Variants in SIPA1L2 observed in about 807,000 individuals in gnomAD.
SIPA1L2 encodes signal induced proliferation associated 1 like 2, also known as signal-induced proliferation-associated 1-like protein 2.
SIPA1L2 carries 56 observed loss-of-function variants against 163.9 expected under a neutral mutation model. That is an observed-to-expected ratio of 0.34 (90% CI 0.28 to 0.43). The LOEUF (loss-of-function observed/expected upper bound fraction) is 0.43, where lower values mean the gene tolerates loss of function less well. Among genes scored for constraint, SIPA1L2 ranks in the 20% least tolerant of loss-of-function variants. The probability of loss-of-function intolerance (pLI) is 1.00; values close to 1 mark genes in which losing one functional copy is unlikely to be tolerated. For missense variants in SIPA1L2, 1,974 were observed against 2,193.5 expected (o/e 0.90, Z 2.00); for synonymous variants, 877 against 865.7 (o/e 1.01, Z -0.23).
At chr1:232,586,407 G>A (rs910707188) in intron 1 of SIPA1L2, among the ~76,000 whole-genome samples, 2 of 152,114 alleles carry the variant, frequency 1.3e-5, no homozygotes, top group African/African-American at 4.8e-5. Flanking sequence ...TTACCAGGGA[G>A]TCCTACTGCA....
At position 232,514,119 on chromosome 1, in the gene SIPA1L2, A is replaced by T. The variant is rs1667106987; in HGVS notation, c.1221T>A (p.Leu407=). Residue 407 remains leucine, a synonymous_variant, in exon 3 of 23, where the codon CTT becomes CTA. Transcript: ENST00000674635. ...EGDGKSNDLV[L]SCPYFRNETG... The stretch of plus-strand genomic sequence containing the variant: ...TCTCATTTCTAAAGTAAGGACAACT[A>T]AGGACGAGGTCGTTACTTTTCCCAT... 6.2e-7 allele frequency: 1 copy of T among 1,614,210 alleles called. No homozygotes were observed. Among genetic ancestry groups the T allele is most frequent in the Non-Finnish European group, 8.5e-7 (1 of 1,180,034 alleles).
chr1:232,474,232 A>C (rs1456662848), intron 7 of SIPA1L2, among the ~76,000 whole-genome samples: 1 of 152,236 alleles, frequency 6.6e-6, no homozygotes, highest in Non-Finnish European at 1.5e-5. Flanking sequence ...TGTCAAGAGA[A>C]CCAACTTATT....
chr1:232,563,383 T>C (rs1327145596), intron 2 of SIPA1L2, among the ~76,000 whole-genome samples: 2 of 152,072 alleles, frequency 1.3e-5, no homozygotes, highest in African/African-American at 2.4e-5. Flanking sequence ...CACAAGAATA[T>C]GAGAGGAATG....
At chr1:232,523,896 T>C (rs1383506295) in intron 2 of SIPA1L2, among the ~76,000 whole-genome samples, 1 of 152,216 alleles carries the variant, frequency 6.6e-6, no homozygotes, top group East Asian at 1.9e-4. Flanking sequence ...AGATGCTTCC[T>C]TTCAACTTGG....
chr1:232,586,691 C>T (rs940968165), intron 1 of SIPA1L2, among the ~76,000 whole-genome samples: 1 of 152,208 alleles, frequency 6.6e-6, no homozygotes, highest in Admixed American at 6.5e-5. Flanking sequence ...TCTAGAGCCA[C>T]CCAAGAAAAA....
chr1:232,597,668 C>T lies in SIPA1L2; in HGVS notation c.-318-23446G>A, dbSNP rs372505978. ...TTGCGCCACTGCACTCCAGCCTGGG[C>T]GACAGAGCGAAACTCTGTCTCAAAA... On this transcript the variant is annotated intron_variant, in intron 1 of 22. Coordinates refer to ENST00000674635, the MANE Select transcript of SIPA1L2 (RefSeq NM_020808.5). 1.3e-3 allele frequency among the ~76,000 whole-genome samples: 155 copies of T among 122,496 alleles called. 3 individuals are homozygous for T. The highest frequency in any genetic ancestry group is 0.012 in the Middle Eastern group (2 of 170). The allele number at this position is 122,496 out of a possible 152,430, so 80.4% of individuals were successfully genotyped here.
intron 2 of SIPA1L2, among the ~76,000 whole-genome samples, chr1:232,572,768 T>TACATACATAC (rs1558277838): frequency 9.7e-5 from 8 of 82,396 alleles, no homozygotes; most frequent in African/African-American, 2.2e-4. Context: ...TATATATATA[T>TACATACATAC]ATATATATAT....
chr1:232,548,246 C>G (rs1044309091), intron 2 of SIPA1L2, among the ~76,000 whole-genome samples: 1 of 152,192 alleles, frequency 6.6e-6, no homozygotes, highest in African/African-American at 2.4e-5. Context: ...AGCACAGATT[C>G]GAGAACTGTA....
In SIPA1L2 at chr1:232,465,164, C is replaced by A. The variant is rs374979703; in HGVS notation, c.2496G>T (p.Thr832=). The change falls in exon 9 of 23, where the codon ACG becomes ACT. Residue 832 remains threonine, a synonymous_variant. Transcript: ENST00000674635. This position sits in a 1 kb window ranked among gnomAD's most constrained non-coding sequence, Gnocchi z 4.1. ...VDTSVKFSFI[T]LGAKKKEKVK... ...CCTTCTCCTTTTTCTTCGCACCCAGCGTAATGAAGCTGAACTTCACAGAGG... is the reference window on the plus strand; with the variant it reads ...CCTTCTCCTTTTTCTTCGCACCCAGAGTAATGAAGCTGAACTTCACAGAGG... 6.2e-7 allele frequency: 1 copy of A among 1,614,174 alleles called. No individual in the cohort carries two copies. The highest frequency in any genetic ancestry group is 8.5e-7 in the Non-Finnish European group (1 of 1,180,024).
At chr1:232,611,013 GGGA>G (rs1662209712) in intron 1 of SIPA1L2, among the ~76,000 whole-genome samples, 1 of 152,128 alleles carries the variant, frequency 6.6e-6, no homozygotes, top group Non-Finnish European at 1.5e-5. Flanking sequence ...CAGGTGTTGT[GGGA>G]GGGACCCAGT....
intron 4 of SIPA1L2, among the ~76,000 whole-genome samples, chr1:232,492,119 T>C (rs766675840): frequency 6.6e-6 from 1 of 152,156 alleles, no homozygotes; most frequent in African/African-American, 2.4e-5. Flanking sequence ...ATCTCACTTA[T>C]ACCTAGAATA....
chr1:232,419,523 T>A (rs1661444388), intron 18 of SIPA1L2, among the ~76,000 whole-genome samples: 1 of 152,188 alleles, frequency 6.6e-6, no homozygotes, highest in Non-Finnish European at 1.5e-5. Context: ...GCTATTCTCA[T>A]GATAATGAGT....
chr1:232,565,465 G>A (rs894497888), intron 2 of SIPA1L2, among the ~76,000 whole-genome samples: 14 of 152,306 alleles, frequency 9.2e-5, no homozygotes, highest in Non-Finnish European at 1.8e-4. Flanking sequence ...AGTCCCTTAG[G>A]CATCTTTGTG....
intron 8 of SIPA1L2, among the ~76,000 whole-genome samples, chr1:232,466,077 G>C (rs1489818394): frequency 2.0e-5 from 3 of 152,052 alleles, no homozygotes; most frequent in Non-Finnish European, 2.9e-5. Flanking sequence ...TAATACAGGG[G>C]GTAACACATC....
chr1:232,488,929 T>A (rs1385179045), intron 5 of SIPA1L2, among the ~76,000 whole-genome samples: 1 of 152,234 alleles, frequency 6.6e-6, no homozygotes, highest in African/African-American at 2.4e-5. Context: ...CATTCACTGA[T>A]GCCTAAAATA....
intron 1 of SIPA1L2, among the ~76,000 whole-genome samples, chr1:232,599,976 A>T (rs750878216): frequency 4.6e-5 from 7 of 152,264 alleles, no homozygotes; most frequent in Non-Finnish European, 2.9e-5. Flanking sequence ...ACGAAGGATC[A>T]GGAAGTAAAG....
chr1:232,471,669 C>CTTTTTCT, intron 7 of SIPA1L2, 141 bp from the exon 8 acceptor site: 1 of 766,136 alleles, frequency 1.3e-6, no homozygotes, highest in Non-Finnish European at 1.9e-6. Flanking sequence ...CTAAATTTGG[C>CTTTTTCT]ATAGAAAAAG....
chr1:232,514,019 A>C lies in SIPA1L2; in HGVS notation c.1321T>G (p.Ser441Ala), dbSNP rs762759025. 1.9e-6 allele frequency: 3 copies of C among 1,614,222 alleles called. No individual in the cohort carries two copies. Among genetic ancestry groups the C allele is most frequent in the Non-Finnish European group, 2.5e-6 (3 of 1,180,036 alleles). Residue 441 changes from serine (S) to alanine (A), a missense_variant, in exon 3 of 23, where the codon TCT becomes GCT. By Grantham distance (99) the Ser-to-Ala change is moderately conservative. Coordinates refer to ENST00000674635, the MANE Select transcript of SIPA1L2 (RefSeq NM_020808.5). Reference protein sequence around the residue: ...SSSFSSGESCSFESSLSSHCT... With the variant: ...SSSFSSGESCAFESSLSSHCT... Reference sequence around the variant, plus strand: ...TGAGAGCTGAGTGACGATTCGAAAGAGCAGCTTTCCCCAGAACTGAAAGAG... The same window carrying C: ...TGAGAGCTGAGTGACGATTCGAAAGCGCAGCTTTCCCCAGAACTGAAAGAG...
intron 5 of SIPA1L2, 139 bp downstream of exon 5, chr1:232,490,735 T>C (rs1665883780): frequency 1.1e-6 from 1 of 882,134 alleles, no homozygotes; most frequent in Non-Finnish European, 1.7e-6. Context: ...TAAAAACATA[T>C]TTGGGAAAAA....
Sources: gnomAD v4.1 joint callset for allele counts (sites outside exome capture counted in the v4.1 genomes callset) on GRCh38, gnomAD v4.1.1 for gene constraint, Gnocchi (gnomAD v3.1) non-coding constraint, MANE v1.5 for transcripts, NCBI Gene and HGNC (gene_info 2026-07-23, HGNC 2026-07-21) for gene names.